KLF12: variants seen among roughly 807,000 people sequenced by gnomAD.
KLF12 encodes the protein Krueppel-like factor 12.
A neutral mutation model predicts 37.8 loss-of-function variants in KLF12; 9 were observed. That is an observed-to-expected ratio of 0.24 (90% confidence interval 0.14 to 0.42). KLF12 has a LOEUF of 0.42. Ranked by LOEUF, KLF12 falls within the 10% of genes least tolerant of loss-of-function variation. KLF12 has a pLI of 1.00. For missense variants in KLF12, 411 were observed against 516.0 expected (o/e 0.80, Z 1.97); for synonymous variants, 208 against 202.1 (o/e 1.03, Z -0.25).
chr13:74,058,062 G>A (rs1873349123), intron 1 of KLF12, among the ~76,000 whole-genome samples: 1 of 151,072 alleles, frequency 6.6e-6, no homozygotes, highest in Non-Finnish European at 1.5e-5. Flanking sequence ...CATCTCCCAG[G>A]TTCAAGCAAT....
chr13:74,200,647 G>A, the KLF12 span, among the ~76,000 whole-genome samples: 1 of 152,006 alleles, frequency 6.6e-6, no homozygotes, highest in African/African-American at 2.4e-5. Flanking sequence ...AGAAAAAGGG[G>A]ATCTCTTCAC....
the KLF12 span, among the ~76,000 whole-genome samples, chr13:74,283,128 G>C: frequency 2.6e-5 from 4 of 152,276 alleles, no homozygotes; most frequent in African/African-American, 9.6e-5. Flanking sequence ...TACCAAATTG[G>C]AGAAACCAGA....
intron 3 of KLF12, among the ~76,000 whole-genome samples, chr13:73,920,433 G>A (rs1265256818): frequency 6.6e-6 from 1 of 151,976 alleles, no homozygotes; most frequent in Non-Finnish European, 1.5e-5. Context: ...TTTAAAAAAT[G>A]ATTTAACTGC....
chr13:74,120,558 A>G (rs897746744), intron 1 of KLF12, among the ~76,000 whole-genome samples: 2 of 152,042 alleles, frequency 1.3e-5, no homozygotes, highest in African/African-American at 2.4e-5. Context: ...CTATATAAAA[A>G]CATATCTACA....
intron 5 of KLF12, among the ~76,000 whole-genome samples, chr13:73,771,576 C>T (rs1014736069): frequency 1.3e-5 from 2 of 152,216 alleles, no homozygotes; most frequent in African/African-American, 4.8e-5. Context: ...ACCTCCAGAG[C>T]ACCTAAAGCA....
intron 4 of KLF12, among the ~76,000 whole-genome samples, chr13:73,825,931 A>G (rs1883812109): frequency 6.6e-6 from 1 of 152,028 alleles, no homozygotes; most frequent in South Asian, 2.1e-4. Flanking sequence ...TGCCTGCCAC[A>G]TTTAAGCTAT....
chr13:74,241,917 G>A, the KLF12 span, among the ~76,000 whole-genome samples: 4 of 152,184 alleles, frequency 2.6e-5, no homozygotes, highest in African/African-American at 9.7e-5. Flanking sequence ...CGTCGCTCAC[G>A]CTTGGAGCTG....
At chr13:73,805,253 G>A (rs1033580480) in intron 5 of KLF12, among the ~76,000 whole-genome samples, 3 of 152,006 alleles carry the variant, frequency 2.0e-5, no homozygotes, top group African/African-American at 7.3e-5. Flanking sequence ...ATGTATCAGA[G>A]AATGTATTTA....
At chr13:74,050,950 A>G (rs1330428055) in intron 1 of KLF12, among the ~76,000 whole-genome samples, 1 of 152,228 alleles carries the variant, frequency 6.6e-6, no homozygotes, top group East Asian at 1.9e-4. Context: ...GCTCAACACA[A>G]CTAATTATCA....
chr13:74,025,872 G>A (rs939993190), intron 1 of KLF12, among the ~76,000 whole-genome samples: 2 of 152,092 alleles, frequency 1.3e-5, no homozygotes, highest in South Asian at 4.1e-4. Flanking sequence ...AACTTCCTCC[G>A]ACTTGACAAC....
intron 1 of KLF12, among the ~76,000 whole-genome samples, chr13:74,011,468 C>A (rs1191381476): frequency 6.6e-6 from 1 of 152,122 alleles, no homozygotes; most frequent in African/African-American, 2.4e-5. Flanking sequence ...TAATCATTTT[C>A]TATTGATACA....
the KLF12 span, among the ~76,000 whole-genome samples, chr13:74,285,072 G>A: frequency 6.6e-6 from 1 of 152,164 alleles, no homozygotes; most frequent in South Asian, 2.1e-4. Context: ...GTAACTGCAT[G>A]AATTGATCTT....
chr13:74,215,614 G>T, the KLF12 span, among the ~76,000 whole-genome samples: 4 of 152,098 alleles, frequency 2.6e-5, no homozygotes, highest in Non-Finnish European at 5.9e-5. Context: ...GTTAGAGCTT[G>T]CCACCTGATG....
intron 5 of KLF12, among the ~76,000 whole-genome samples, chr13:73,783,847 T>C (rs9573287): frequency 0.18 from 26,702 of 152,068 alleles, 2,700 homozygotes; most frequent in African/African-American, 0.28. Context: ...AACATGACTG[T>C]AATGACTGGC....
the KLF12 span, among the ~76,000 whole-genome samples, chr13:74,233,498 C>T: frequency 1.2e-3 from 188 of 152,326 alleles, 2 homozygotes; most frequent in Middle Eastern, 3.4e-3. Flanking sequence ...GAAGCATATT[C>T]ACCCATGCAG....
At chr13:73,768,651 C>A (rs905396980) in intron 5 of KLF12, among the ~76,000 whole-genome samples, 1 of 152,142 alleles carries the variant, frequency 6.6e-6, no homozygotes, top group African/African-American at 2.4e-5. Context: ...GTAATCACGG[C>A]AATGCAAATT....
the KLF12 span, among the ~76,000 whole-genome samples, chr13:74,249,125 G>C: frequency 1.3e-5 from 2 of 152,088 alleles, no homozygotes; most frequent in South Asian, 4.2e-4. Context: ...GTGTGATAAT[G>C]CTAGTTGCTT....
intron 1 of KLF12, among the ~76,000 whole-genome samples, chr13:74,004,484 A>G (rs1892361372): frequency 6.6e-6 from 1 of 152,216 alleles, no homozygotes; most frequent in Admixed American, 6.5e-5. Context: ...TCCAGTCTTC[A>G]TGATTTTAAG....
At chr13:74,103,215 T>C (rs1168366392) in intron 1 of KLF12, among the ~76,000 whole-genome samples, 11 of 152,250 alleles carry the variant, frequency 7.2e-5, no homozygotes, top group Admixed American at 6.5e-5. Context: ...TTCTAAAATT[T>C]GTATCCCGAA....
Sources: allele counts gnomAD v4.1 joint callset (sites outside exome capture counted in the v4.1 genomes callset), GRCh38; gene constraint gnomAD v4.1.1; transcripts MANE v1.5; gene names NCBI Gene and HGNC (gene_info 2026-07-23, HGNC 2026-07-21).